Variants in LIMCH1 observed in about 807,000 individuals in gnomAD.
LIMCH1 encodes the protein LIM and calponin homology domains 1, also known as LIM and calponin homology domains-containing protein 1.
In LIMCH1, 113 loss-of-function variants were observed where a neutral mutation model predicts 176.5. The observed-to-expected ratio is 0.64, with a 90% CI of 0.55 to 0.75. The LOEUF is 0.75. Ranked by LOEUF, LIMCH1 falls within the 30% of genes least tolerant of loss-of-function variation. The pLI is 0.00. For missense variants in LIMCH1, 1,674 were observed against 1,814.9 expected (o/e 0.92, Z 1.41); for synonymous variants, 619 against 645.9 (o/e 0.96, Z 0.63).
At chr4:41,691,495 C>T (rs1391193036) in intron 30 of LIMCH1, among the ~76,000 whole-genome samples, 2 of 151,548 alleles carry the variant, frequency 1.3e-5, no homozygotes, top group Non-Finnish European at 2.9e-5. Context: ...GCCTGTAATC[C>T]CAGCACTTTG....
At chr4:41,376,643 GA>G (rs2054813144) in intron 1 of LIMCH1, among the ~76,000 whole-genome samples, 1 of 152,044 alleles carries the variant, frequency 6.6e-6, no homozygotes, top group African/African-American at 2.4e-5. Context: ...TTCTTTTAAA[GA>G]TAAAATGTCC....
At chr4:41,519,505 A>G (rs936646261) in intron 2 of LIMCH1, among the ~76,000 whole-genome samples, 3 of 152,216 alleles carry the variant, frequency 2.0e-5, no homozygotes, top group Middle Eastern at 3.2e-3. Context: ...AGGATTATCC[A>G]AGATCATAGC....
chr4:41,647,153 A>G (rs1003773883), intron 17 of LIMCH1, among the ~76,000 whole-genome samples: 1 of 152,146 alleles, frequency 6.6e-6, no homozygotes, highest in Non-Finnish European at 1.5e-5. Flanking sequence ...AGCAAGGTCT[A>G]TTTTCTAGTT....
intron 2 of LIMCH1, among the ~76,000 whole-genome samples, chr4:41,498,768 T>C (rs1289615010): frequency 6.6e-6 from 1 of 152,222 alleles, no homozygotes; most frequent in Non-Finnish European, 1.5e-5. Flanking sequence ...CGGCCTGTTT[T>C]GAAATAACTC....
chr4:41,596,957 G>T (rs897653741), intron 1 of LIMCH1, among the ~76,000 whole-genome samples: 1 of 152,060 alleles, frequency 6.6e-6, no homozygotes, highest in Non-Finnish European at 1.5e-5. Flanking sequence ...GTAGTAACTC[G>T]TCATTGTTCT....
chr4:41,447,243 ACAAACAGCGCTCC>A (rs2063376651), intron 1 of LIMCH1, among the ~76,000 whole-genome samples: 1 of 152,182 alleles, frequency 6.6e-6, no homozygotes. Context: ...TCAACAACAA[ACAAACAGCGCTCC>A]CAAAACCCAA....
chr4:41,386,805 CTT>C, intron 1 of LIMCH1, among the ~76,000 whole-genome samples: 1 of 152,298 alleles, frequency 6.6e-6, no homozygotes, highest in Non-Finnish European at 1.5e-5. Context: ...GCCTAGGTAA[CTT>C]ATCAGTTCAA....
At chr4:41,439,329 C>T (rs745816444) in intron 1 of LIMCH1, among the ~76,000 whole-genome samples, 6 of 152,208 alleles carry the variant, frequency 3.9e-5, no homozygotes, top group Non-Finnish European at 5.9e-5. Flanking sequence ...TGGCTCATGC[C>T]TGTAATCCCA....
chr4:41,626,372 G>A (rs2092951491), intron 7 of LIMCH1, among the ~76,000 whole-genome samples: 2 of 151,986 alleles, frequency 1.3e-5, no homozygotes, highest in Admixed American at 1.3e-4. Context: ...TAAAGAAAAA[G>A]GAACAGTAAC....
chr4:41,418,135 A>G (rs925637843), intron 1 of LIMCH1, among the ~76,000 whole-genome samples: 2 of 152,168 alleles, frequency 1.3e-5, no homozygotes, highest in African/African-American at 4.8e-5. Flanking sequence ...TTCATTTATC[A>G]TATTTGTGAG....
chr4:41,465,954 CTTTTTTTTTTT>C (rs34784602), intron 1 of LIMCH1, among the ~76,000 whole-genome samples: 1 of 108,288 alleles, frequency 9.2e-6, no homozygotes, highest in Non-Finnish European at 1.8e-5. Flanking sequence ...CTGTTTGGCT[CTTTTTTTTTTT>C]TTTTTTTTTT....
chr4:41,616,843 G>A (rs1216170120), intron 5 of LIMCH1, among the ~76,000 whole-genome samples: 1 of 151,912 alleles, frequency 6.6e-6, no homozygotes, highest in East Asian at 1.9e-4. Context: ...AGTATCCCAG[G>A]GTCACACAGC....
intron 1 of LIMCH1, among the ~76,000 whole-genome samples, chr4:41,390,288 C>T (rs892332975): frequency 1.4e-5 from 2 of 142,228 alleles, no homozygotes; most frequent in South Asian, 2.3e-4. Context: ...GAGCGCTCCT[C>T]ATGCTGGGGA....
intron 1 of LIMCH1, among the ~76,000 whole-genome samples, chr4:41,458,451 G>T (rs1050160478): frequency 2.6e-5 from 4 of 152,080 alleles, no homozygotes; most frequent in African/African-American, 7.2e-5. Flanking sequence ...GGCAAGGAGA[G>T]AGTAGGAGCC....
chr4:41,612,851 CTTTTTTT>C, intron 4 of LIMCH1: 2 of 1,072,410 alleles, frequency 1.9e-6, no homozygotes, highest in South Asian at 2.1e-5. Context: ...CATTGCCTTT[CTTTTTTT>C]TTTTTTTTTT....
At chr4:41,639,565 C>G (rs1373381187) in intron 14 of LIMCH1, among the ~76,000 whole-genome samples, 1 of 152,106 alleles carries the variant, frequency 6.6e-6, no homozygotes, top group Non-Finnish European at 1.5e-5. Context: ...TTGGTTTTCA[C>G]TCAACCAAGC....
intron 1 of LIMCH1, among the ~76,000 whole-genome samples, chr4:41,390,440 GC>G (rs1445863532): frequency 6.6e-6 from 1 of 152,190 alleles, no homozygotes; most frequent in Non-Finnish European, 1.5e-5. Context: ...CGTAAGGTCT[GC>G]CATGCGTGGT....
intron 18 of LIMCH1, among the ~76,000 whole-genome samples, chr4:41,660,492 A>C (rs2094582901): frequency 6.6e-6 from 1 of 152,226 alleles, no homozygotes; most frequent in Admixed American, 6.5e-5. Context: ...GCAAACCTGG[A>C]GTCCCAGCCA....
intron 1 of LIMCH1, among the ~76,000 whole-genome samples, chr4:41,539,625 A>G (rs28455547): frequency 0.072 from 10,956 of 152,276 alleles, 533 homozygotes; most frequent in South Asian, 0.16. Context: ...ACACCGTTGT[A>G]TTCATTTTCC....
Sources: allele counts gnomAD v4.1 joint callset (sites outside exome capture counted in the v4.1 genomes callset), GRCh38; gene constraint gnomAD v4.1.1; transcripts MANE v1.5; gene names NCBI Gene and HGNC (gene_info 2026-07-23, HGNC 2026-07-21).